The following PDE3A variants were observed in gnomAD, a reference collection of about 807,000 sequenced individuals.
PDE3A encodes the protein phosphodiesterase 3A, also known as cGMP-inhibited 3',5'-cyclic phosphodiesterase 3A.
A neutral mutation model predicts 98.3 loss-of-function variants in PDE3A; 43 were observed. The ratio of observed to expected loss-of-function variants is 0.44; its 90% confidence interval spans 0.34 to 0.56. The LOEUF (loss-of-function observed/expected upper bound fraction) is 0.56, where lower values mean the gene tolerates loss of function less well. Ranked by LOEUF, PDE3A falls within the 20% of genes least tolerant of loss-of-function variation. The pLI, the probability that PDE3A is intolerant of heterozygous loss-of-function variation, is 0.01. For missense variants in PDE3A, 1,427 were observed against 1,440.7 expected, an observed-to-expected ratio of 0.99 and a Z score of 0.15; for synonymous variants, 663 against 567.9, an observed-to-expected ratio of 1.17 and a Z score of -2.38.
chr12:20,635,222 C>T (rs1390820214), intron 8 of PDE3A, among the ~76,000 whole-genome samples, 166 bp downstream of exon 8: 1 of 152,128 alleles, frequency 6.6e-6, no homozygotes. Context: ...AGTTCGAGAC[C>T]AGCCTGACCA....
intron 1 of PDE3A, among the ~76,000 whole-genome samples, chr12:20,554,690 G>A (rs776194964): frequency 6.6e-6 from 1 of 151,572 alleles, no homozygotes; most frequent in Non-Finnish European, 1.5e-5. Flanking sequence ...AGGTTCAAGC[G>A]ATTCTCCTGC....
At chr12:20,492,781 C>T (rs1945851751) in intron 1 of PDE3A, among the ~76,000 whole-genome samples, 1 of 152,096 alleles carries the variant, frequency 6.6e-6, no homozygotes, top group Non-Finnish European at 1.5e-5. Context: ...CTGATGGTTA[C>T]TGTCATGGGC....
intron 1 of PDE3A, among the ~76,000 whole-genome samples, chr12:20,464,833 C>T (rs528978967): frequency 2.9e-4 from 44 of 152,242 alleles, no homozygotes; most frequent in African/African-American, 1.0e-3. Context: ...GCTTTCTAGA[C>T]ATACCCAGCT....
At chr12:20,637,034 C>T (rs1264586739) in intron 8 of PDE3A, 66 bp from the exon 9 acceptor site, 1 of 1,108,504 alleles carries the variant, frequency 9.0e-7, no homozygotes, top group Non-Finnish European at 1.3e-6. Context: ...TTGAATTTAG[C>T]AAAGCACAAA....
intron 2 of PDE3A, among the ~76,000 whole-genome samples, chr12:20,582,014 T>C (rs1943080265): frequency 6.6e-6 from 1 of 152,138 alleles, no homozygotes; most frequent in African/African-American, 2.4e-5. Flanking sequence ...TTCTAAAATA[T>C]GTATTGTGTT....
chr12:20,584,311 A>G (rs1046945214), intron 2 of PDE3A, among the ~76,000 whole-genome samples: 3 of 152,210 alleles, frequency 2.0e-5, no homozygotes, highest in African/African-American at 2.4e-5. Flanking sequence ...ATTGTGATCA[A>G]TAGCCCAGGG....
chr12:20,592,722 G>A (rs962443958), intron 2 of PDE3A, among the ~76,000 whole-genome samples: 1 of 152,162 alleles, frequency 6.6e-6, no homozygotes, highest in Non-Finnish European at 1.5e-5. Context: ...GTGTTTGCCT[G>A]TTAATTGAGT....
chr12:20,500,189 G>A (rs80044891), intron 1 of PDE3A, among the ~76,000 whole-genome samples: 152 of 152,266 alleles, frequency 1.0e-3, no homozygotes, highest in African/African-American at 3.6e-3. Context: ...TTGGATCCAA[G>A]TCAATGTATA....
At chr12:20,486,444 A>T (rs1356097770) in intron 1 of PDE3A, among the ~76,000 whole-genome samples, 2 of 152,134 alleles carry the variant, frequency 1.3e-5, no homozygotes, top group Non-Finnish European at 2.9e-5. Flanking sequence ...AATCATGGGG[A>T]TTACAATTCA....
At chr12:20,576,501 A>G (rs933927163) in intron 2 of PDE3A, among the ~76,000 whole-genome samples, 3 of 152,154 alleles carry the variant, frequency 2.0e-5, no homozygotes, top group African/African-American at 7.2e-5. Context: ...TTAAAAACAG[A>G]GGGATGAGTA....
intron 1 of PDE3A, among the ~76,000 whole-genome samples, chr12:20,373,466 AT>A (rs920697864): frequency 5.9e-5 from 9 of 152,074 alleles, no homozygotes; most frequent in Admixed American, 2.0e-4. Flanking sequence ...TAATTTTGCA[AT>A]TTTTTTGTTA....
intron 1 of PDE3A, among the ~76,000 whole-genome samples, chr12:20,487,861 C>G (rs1467556562): frequency 6.6e-6 from 1 of 152,102 alleles, no homozygotes; most frequent in Admixed American, 6.6e-5. Flanking sequence ...AGGGAACCTA[C>G]TAATTTGTCA....
At chr12:20,553,945 A>T (rs1391950829) in intron 1 of PDE3A, among the ~76,000 whole-genome samples, 1 of 151,156 alleles carries the variant, frequency 6.6e-6, no homozygotes, top group Non-Finnish European at 1.5e-5. Context: ...TTTACATTCA[A>T]TTTTTTTAAC....
At chr12:20,652,131 G>T (rs1485647951) in intron 14 of PDE3A, among the ~76,000 whole-genome samples, 1 of 152,102 alleles carries the variant, frequency 6.6e-6, no homozygotes, top group Admixed American at 6.6e-5. Context: ...GTATTCCATG[G>T]TGTATATGTG....
intron 15 of PDE3A, among the ~76,000 whole-genome samples, chr12:20,674,904 C>T (rs1403692129): frequency 1.3e-5 from 2 of 151,656 alleles, no homozygotes; most frequent in African/African-American, 4.8e-5. Context: ...CTTTTGTTTC[C>T]TTGACACATT....
At position 20,386,069 on chromosome 12, in the gene PDE3A, T is replaced by TAAAATATATA. The variant is rs1943768267; in HGVS notation, c.960+15826_960+15835dup. Among the ~76,000 whole-genome samples, 2 of 12,072 alleles carry TAAAATATATA rather than the reference T, an allele frequency of 1.7e-4. 1 individual carries two copies. The highest frequency in any genetic ancestry group is 4.3e-4 in the African/African-American group (2 of 4,698). The allele number at this position is 12,072 out of a possible 152,430, so 7.9% of individuals were successfully genotyped here. On this transcript the variant is annotated intron_variant, in intron 1 of 15. Transcript: ENST00000359062. Reference sequence around the variant, plus strand: ...ATATATAAATATATATAAATATATATAAAATATATATAAATATATAAATAT... The same window carrying TAAAATATATA: ...ATATATAAATATATATAAATATATATAAAATATATAAAAATATATATAAATATATAAATAT...
At chr12:20,597,497 G>T (rs567578320) in intron 2 of PDE3A, among the ~76,000 whole-genome samples, 32 of 152,028 alleles carry the variant, frequency 2.1e-4, no homozygotes, top group East Asian at 9.6e-4. Flanking sequence ...TTTTTTGTTG[G>T]TTTTTTTCTT....
At position 20,386,074 on chromosome 12, in the gene PDE3A, TATATATAA is replaced by T. The variant is rs1157269225; in HGVS notation, c.960+15846_960+15853del. On this transcript the variant is annotated intron_variant, in intron 1 of 15. Coordinates refer to ENST00000359062, the MANE Select transcript of PDE3A (RefSeq NM_000921.5). Reference sequence around the variant, plus strand: ...TAAATATATATAAATATATATAAAATATATATAAATATATAAATATATATAAATATATA... The same window carrying T: ...TAAATATATATAAATATATATAAAATATATATAAATATATATAAATATATA... Among the ~76,000 whole-genome samples the T allele has an allele frequency of 3.4e-3, 139 of 40,964 alleles. 2 individuals carry two copies. The highest frequency in any genetic ancestry group is 0.011 in the East Asian group (11 of 972). 26.9% of individuals were successfully genotyped at this position (40,964 alleles called of 152,430 possible). A position where few individuals can be genotyped will look rare whatever the true frequency, so the allele number is the denominator to read the frequency against.
rs754242761 is a variant in PDE3A at position 20,680,308 on chromosome 12, A to G, written c.*37A>G. 15 of 1,607,912 alleles carry G rather than the reference A, an allele frequency of 9.3e-6. No individual in the cohort carries two copies. In the South Asian group the frequency reaches 1.4e-4, roughly 15 times the overall value. Reference sequence around the variant, plus strand: ...ATGGGCTGTGTTTCCAAACAGATTGACTTGTCAAAGACTCTCTTCAAGCCA... The same window carrying G: ...ATGGGCTGTGTTTCCAAACAGATTGGCTTGTCAAAGACTCTCTTCAAGCCA... On this transcript the variant is annotated 3_prime_UTR_variant, in exon 16 of 16. Coordinates refer to ENST00000359062, the MANE Select transcript of PDE3A (RefSeq NM_000921.5).
Sources: gnomAD v4.1 joint callset for allele counts (sites outside exome capture counted in the v4.1 genomes callset) on GRCh38, gnomAD v4.1.1 for gene constraint, MANE v1.5 for transcripts, NCBI Gene and HGNC (gene_info 2026-07-23, HGNC 2026-07-21) for gene names.